The following ERBB4 variants were observed in gnomAD, a reference collection of about 807,000 sequenced individuals.
The protein encoded by ERBB4 is receptor tyrosine-protein kinase erbB-4.
Under a neutral mutation model 158.0 loss-of-function variants are expected in ERBB4, and 42 were observed. That is an observed-to-expected ratio of 0.27 (90% CI 0.21 to 0.34). The LOEUF (loss-of-function observed/expected upper bound fraction) is 0.34. Ranked by LOEUF, ERBB4 falls within the 10% of genes least tolerant of loss-of-function variation. The pLI is 1.00. For missense variants in ERBB4, 1,333 were observed against 1,624.1 expected, an observed-to-expected ratio of 0.82 and a Z score of 3.08; for synonymous variants, 583 against 558.7, an observed-to-expected ratio of 1.04 and a Z score of -0.61.
chr2:211,829,421 T>G (rs911501359), intron 3 of ERBB4, among the ~76,000 whole-genome samples: 3 of 152,198 alleles, frequency 2.0e-5, no homozygotes, highest in African/African-American at 7.2e-5. Context: ...AGTTCACTTA[T>G]TTTGGTTACC....
intron 1 of ERBB4, among the ~76,000 whole-genome samples, chr2:212,511,742 T>C (rs1453119785): frequency 6.6e-6 from 1 of 152,150 alleles, no homozygotes. Flanking sequence ...TAATTGAACA[T>C]TTAGGGCTTG....
chr2:211,564,130 T>C (rs2067483320), intron 19 of ERBB4, among the ~76,000 whole-genome samples: 1 of 152,052 alleles, frequency 6.6e-6, no homozygotes, highest in African/African-American at 2.4e-5. Flanking sequence ...GCAATAAAGA[T>C]AGAATAGTAA....
At chr2:211,687,574 G>GTGCT (rs149343737) in intron 12 of ERBB4, among the ~76,000 whole-genome samples, 11 of 151,720 alleles carry the variant, frequency 7.3e-5, no homozygotes, top group Non-Finnish European at 1.5e-4. Flanking sequence ...TTTTTCTGTG[G>GTGCT]TGTTTGGCTG....
intron 1 of ERBB4, among the ~76,000 whole-genome samples, chr2:212,211,367 A>G (rs1209757627): frequency 1.3e-5 from 2 of 152,112 alleles, no homozygotes; most frequent in Non-Finnish European, 2.9e-5. Flanking sequence ...CATCCTACAT[A>G]GCACCTGTGC....
At chr2:211,598,412 G>A (rs1231199883) in intron 19 of ERBB4, among the ~76,000 whole-genome samples, 1 of 152,164 alleles carries the variant, frequency 6.6e-6, no homozygotes, top group Admixed American at 6.5e-5. Context: ...GATAACTTGG[G>A]TGACTCAGTT....
intron 1 of ERBB4, among the ~76,000 whole-genome samples, chr2:212,168,017 T>G (rs573308451): frequency 1.3e-5 from 2 of 151,486 alleles, no homozygotes; most frequent in East Asian, 3.9e-4. Flanking sequence ...CGTATACCTA[T>G]GTAACAAACT....
intron 2 of ERBB4, among the ~76,000 whole-genome samples, chr2:211,990,778 G>C (rs1463187381): frequency 6.6e-6 from 1 of 151,782 alleles, no homozygotes; most frequent in Non-Finnish European, 1.5e-5. Flanking sequence ...GCAAAATTTA[G>C]AAGACAAAAC....
At chr2:211,842,945 A>G (rs1292658183) in intron 3 of ERBB4, among the ~76,000 whole-genome samples, 1 of 151,906 alleles carries the variant, frequency 6.6e-6, no homozygotes, top group Admixed American at 6.6e-5. Context: ...ATCCTGGACA[A>G]CTCCACTTCT....
chr2:211,735,206 G>C (rs1186352855), intron 5 of ERBB4, among the ~76,000 whole-genome samples: 1 of 138,782 alleles, frequency 7.2e-6, no homozygotes, highest in East Asian at 2.0e-4. Context: ...TTTATGACCT[G>C]AGTATCACAT....
chr2:211,571,041 C>CTTTTTTTTTT (rs549254649), intron 19 of ERBB4, among the ~76,000 whole-genome samples: 22 of 109,076 alleles, frequency 2.0e-4, no homozygotes, highest in African/African-American at 6.4e-4. Flanking sequence ...TACTCTTCTT[C>CTTTTTTTTTT]TTTTTTTTTT....
chr2:211,434,254 T>TAG (rs2063804594), intron 20 of ERBB4, among the ~76,000 whole-genome samples: 1 of 152,204 alleles, frequency 6.6e-6, no homozygotes, highest in Admixed American at 6.5e-5. Context: ...TCTGCTATGA[T>TAG]CTGAATGGTT....
intron 12 of ERBB4, 134 bp from the exon 13 acceptor site, chr2:211,679,318 A>G (rs2072241708): frequency 1.1e-6 from 1 of 914,624 alleles, no homozygotes; most frequent in Admixed American, 2.0e-5. Flanking sequence ...GGCCTATCCC[A>G]TCGTCATGTC....
chr2:211,867,540 T>C (rs1575280495), intron 3 of ERBB4, among the ~76,000 whole-genome samples: 1 of 152,204 alleles, frequency 6.6e-6, no homozygotes, highest in Non-Finnish European at 1.5e-5. Flanking sequence ...TTACACATAA[T>C]TGTAAAAATC....
At chr2:211,515,261 T>C (rs965103961) in intron 20 of ERBB4, among the ~76,000 whole-genome samples, 1 of 152,048 alleles carries the variant, frequency 6.6e-6, no homozygotes, top group South Asian at 2.1e-4. Context: ...CCTGGTGAAT[T>C]TGGGCTTTAA....
At chr2:212,030,397 C>T (rs2076876037) in intron 2 of ERBB4, among the ~76,000 whole-genome samples, 2 of 152,226 alleles carry the variant, frequency 1.3e-5, no homozygotes, top group Admixed American at 6.6e-5. Context: ...GTTCCTCACT[C>T]TCTTGGTTTA....
At chr2:212,061,993 C>T (rs2077785292) in intron 2 of ERBB4, among the ~76,000 whole-genome samples, 1 of 152,026 alleles carries the variant, frequency 6.6e-6, no homozygotes, top group Non-Finnish European at 1.5e-5. Flanking sequence ...CCTCGGCCTC[C>T]CAAAGTGCTG....
rs566077368 is a variant in ERBB4 at position 212,197,079 on chromosome 2, C to T, written c.83-72176G>A. On this transcript the variant is annotated intron_variant, in intron 1 of 27. Coordinates refer to ENST00000342788, the MANE Select transcript of ERBB4 (RefSeq NM_005235.3). The stretch of plus-strand genomic sequence containing the variant: ...CTGCTGACCAACTCCTTTATACACC[C>T]CTAATTTTAGTCAGCTGGGGGAAGA... 6.0e-3 allele frequency among the ~76,000 whole-genome samples: 917 copies of T among 152,138 alleles called. 2 individuals carry two copies. Among genetic ancestry groups the T allele is most frequent in the Non-Finnish European group, 0.01 (713 of 67,998 alleles).
At chr2:212,312,033 T>C (rs1298794387) in intron 1 of ERBB4, among the ~76,000 whole-genome samples, 1 of 150,966 alleles carries the variant, frequency 6.6e-6, no homozygotes, top group Non-Finnish European at 1.5e-5. Context: ...TATGAGTAGA[T>C]TTTGCCTTGA....
intron 3 of ERBB4, among the ~76,000 whole-genome samples, chr2:211,861,327 G>T (rs80032458): frequency 0.25 from 25,984 of 102,032 alleles, 2,783 homozygotes; most frequent in South Asian, 0.4. Flanking sequence ...GTCCAGGCGT[G>T]TTTTTTTTTT....
Sources: gnomAD v4.1 joint callset for allele counts (sites outside exome capture counted in the v4.1 genomes callset) on GRCh38, gnomAD v4.1.1 for gene constraint, MANE v1.5 for transcripts, NCBI Gene and HGNC (gene_info 2026-07-23, HGNC 2026-07-21) for gene names.